Variants in LGR4 observed in about 807,000 individuals in gnomAD.
LGR4 encodes leucine rich repeat containing G protein-coupled receptor 4.
LGR4 carries 44 observed loss-of-function variants against 84.8 expected under a neutral mutation model. The observed-to-expected ratio is 0.52, with a 90% CI of 0.41 to 0.67. The LOEUF (loss-of-function observed/expected upper bound fraction) is 0.67, where lower values mean the gene tolerates loss of function less well. LGR4 is among the 30% of genes least tolerant of loss of function. The pLI is 0.00. For missense variants in LGR4, 1,032 were observed against 1,131.4 expected (o/e 0.91, Z 1.26); for synonymous variants, 429 against 434.3 (o/e 0.99, Z 0.15).
In LGR4 at chr11:27,368,426, A is replaced by G. The variant is rs1392142756; in HGVS notation, c.2297T>C (p.Phe766Ser). The G allele has an allele frequency of 1.9e-6, 3 of 1,614,108 alleles. No individual in the cohort carries two copies. In the African/African-American group the frequency reaches 4.0e-5, roughly 22 times the overall value. The part of the protein sequence containing the change: ...NCIFFCPVAF[F>S]SFAPLITAIS... ...TGCAGTGATCAATGGTGCAAATGAA[A>G]AAAACGCCACAGGGCAGAAAAAGAT... The change falls in exon 18 of 18, where the codon TTT (phenylalanine) becomes TCT (serine). Residue 766 changes from phenylalanine to serine, a missense_variant. Phe to Ser is a radical substitution (Grantham distance 155). Transcript: ENST00000379214.
chr11:27,381,143 C>T (rs1348916414), intron 7 of LGR4, among the ~76,000 whole-genome samples, 177 bp from the exon 8 acceptor site: 5 of 151,982 alleles, frequency 3.3e-5, no homozygotes, highest in African/African-American at 1.2e-4. Context: ...AGTATCATAC[C>T]TAATTCTTTT....
intron 2 of LGR4, among the ~76,000 whole-genome samples, chr11:27,400,789 G>A (rs1042192561): frequency 1.3e-5 from 2 of 152,206 alleles, no homozygotes; most frequent in South Asian, 4.2e-4. Context: ...GAGCCACCGC[G>A]CCTGGCCTGT....
At chr11:27,446,809 G>A (rs933489281) in intron 1 of LGR4, among the ~76,000 whole-genome samples, 4 of 152,062 alleles carry the variant, frequency 2.6e-5, no homozygotes, top group Non-Finnish European at 4.4e-5. Flanking sequence ...TGATAGACTG[G>A]ATTAAGAAAA....
chr11:27,373,730 AC>A, intron 14 of LGR4, 54 bp from the exon 15 acceptor site: 1 of 1,427,704 alleles, frequency 7.0e-7, no homozygotes, highest in Non-Finnish European at 9.5e-7. Context: ...TCACATAAAA[AC>A]ATCTGTACAC....
At chr11:27,397,987 T>C (rs1367423295) in intron 2 of LGR4, among the ~76,000 whole-genome samples, 2 of 152,184 alleles carry the variant, frequency 1.3e-5, no homozygotes, top group Non-Finnish European at 2.9e-5. Context: ...TTTGGAACCA[T>C]TCCAGGAAGC....
chr11:27,450,832 C>T (rs1864470563), intron 1 of LGR4, among the ~76,000 whole-genome samples: 1 of 152,140 alleles, frequency 6.6e-6, no homozygotes, highest in Admixed American at 6.6e-5. Context: ...CCATTCCTTG[C>T]TTTGGGATGC....
At chr11:27,417,002 A>G (rs915127039) in intron 1 of LGR4, among the ~76,000 whole-genome samples, 2 of 152,138 alleles carry the variant, frequency 1.3e-5, no homozygotes, top group Non-Finnish European at 2.9e-5. Flanking sequence ...AGCATGTACC[A>G]CTGTGGACTC....
chr11:27,444,739 G>T (rs929824292), intron 1 of LGR4, among the ~76,000 whole-genome samples: 2 of 152,104 alleles, frequency 1.3e-5, no homozygotes, highest in East Asian at 1.9e-4. Context: ...TTAAATAAAG[G>T]CTGTTGTGTT....
rs767315522 is a variant in LGR4 at position 27,384,317 on chromosome 11, A to C, written c.689+19T>G. Reference sequence around the variant, plus strand: ...TTTCAATATCACAATGCAGTTGCCCAAAATATGAATATACTTACAAGGTCT... The same window carrying C: ...TTTCAATATCACAATGCAGTTGCCCCAAATATGAATATACTTACAAGGTCT... On this transcript the variant is annotated intron_variant, in intron 6 of 17. Coordinates refer to ENST00000379214, the MANE Select transcript of LGR4 (RefSeq NM_018490.5). 1 of 1,543,130 alleles carries C rather than the reference A, an allele frequency of 6.5e-7. No individual in the cohort carries two copies. The highest frequency in any genetic ancestry group is 1.4e-5 in the African/African-American group (1 of 73,302).
intron 1 of LGR4, among the ~76,000 whole-genome samples, chr11:27,470,302 G>A (rs990462107): frequency 6.6e-6 from 1 of 152,100 alleles, no homozygotes; most frequent in Admixed American, 6.5e-5. Context: ...TTGGAGAGAG[G>A]AGTATGCTCT....
At chr11:27,460,656 T>C (rs1312422252) in intron 1 of LGR4, among the ~76,000 whole-genome samples, 2 of 152,222 alleles carry the variant, frequency 1.3e-5, no homozygotes, top group African/African-American at 4.8e-5. Context: ...GCAGAGCCTG[T>C]GGTTTGTGCA....
At position 27,472,358 on chromosome 11, in the gene LGR4, C is replaced by T; in HGVS notation, c.-56G>A. 1 of 1,167,436 alleles carries T rather than the reference C, an allele frequency of 8.6e-7. No individual in the cohort carries two copies. Among genetic ancestry groups the T allele is most frequent in the Non-Finnish European group, 1.1e-6 (1 of 938,816 alleles). 72.3% of individuals were successfully genotyped at this position (1,167,436 alleles called of 1,614,324 possible). On this transcript the variant is annotated 5_prime_UTR_variant, in exon 1 of 18. Transcript: ENST00000379214. ...CCGCGGCGCTGCTCGCTCCGCTGCC[C>T]TCCGATGTCCCCCGCCGCCCCCGGG...
At chr11:27,410,726 A>T (rs889953499) in intron 2 of LGR4, among the ~76,000 whole-genome samples, 1 of 152,168 alleles carries the variant, frequency 6.6e-6, no homozygotes, top group South Asian at 2.1e-4. Context: ...TAAAAATAAC[A>T]TTCTGCTCTC....
chr11:27,472,384 C>T lies in LGR4; in HGVS notation c.-82G>A, dbSNP rs1330906236. 8.1e-6 allele frequency: 9 copies of T among 1,110,690 alleles called. No individual in the cohort carries two copies. Among genetic ancestry groups the T allele is most frequent in the African/African-American group, 1.6e-5 (1 of 61,136 alleles). 68.8% of individuals were successfully genotyped at this position (1,110,690 alleles called of 1,614,324 possible). The stretch of plus-strand genomic sequence containing the variant: ...TCCGATGTCCCCCGCCGCCCCCGGG[C>T]AGCCGGCCTGCGGGCTGGAGCGGGG... On this transcript the variant is annotated 5_prime_UTR_variant, in exon 1 of 18. Transcript: ENST00000379214.
chr11:27,389,581 T>C (rs1170261922), intron 4 of LGR4, among the ~76,000 whole-genome samples: 1 of 152,176 alleles, frequency 6.6e-6, no homozygotes, highest in East Asian at 1.9e-4. Context: ...AAAATGAGAT[T>C]TTAGTCTTCT....
chr11:27,402,091 C>T (rs1376016867), intron 2 of LGR4, among the ~76,000 whole-genome samples: 6 of 152,172 alleles, frequency 3.9e-5, no homozygotes, highest in Admixed American at 1.3e-4. Context: ...CACCCATTCA[C>T]GCCTTCCTGG....
At chr11:27,383,539 A>G (rs1863136628) in intron 6 of LGR4, among the ~76,000 whole-genome samples, 1 of 152,196 alleles carries the variant, frequency 6.6e-6, no homozygotes, top group Admixed American at 6.5e-5. Flanking sequence ...ATTTAGATAG[A>G]AAAGTGAAAT....
chr11:27,378,864 T>G, intron 10 of LGR4, 96 bp from the exon 11 acceptor site: 1 of 808,306 alleles, frequency 1.2e-6, no homozygotes, highest in Non-Finnish European at 2.1e-6. Context: ...TATTTACATA[T>G]GGACTAGATT....
rs1043161622 is a variant in LGR4 at position 27,435,335 on chromosome 11, AAAAC to A, written c.186-22479_186-22476del. Among the ~76,000 whole-genome samples the A allele has an allele frequency of 1.3e-3, 196 of 151,806 alleles. 2 individuals are homozygous for A. The highest frequency in any genetic ancestry group is 4.2e-3 in the African/African-American group (174 of 41,224). ...GCAACAGAGTGAGACTCTGTCTCAA[AAAAC>A]AAACAAACAAACAACAACAACAACA... On this transcript the variant is annotated intron_variant, in intron 1 of 17. Coordinates refer to ENST00000379214, the MANE Select transcript of LGR4 (RefSeq NM_018490.5).
Sources: allele counts gnomAD v4.1 joint callset (sites outside exome capture counted in the v4.1 genomes callset), GRCh38; gene constraint gnomAD v4.1.1; transcripts MANE v1.5; gene names NCBI Gene and HGNC (gene_info 2026-07-23, HGNC 2026-07-21).